The following PRDM6 variants were observed in gnomAD, a reference collection of about 807,000 sequenced individuals.
PRDM6 encodes the protein PR/SET domain 6.
A neutral mutation model predicts 60.8 loss-of-function variants in PRDM6; 25 were observed. That is an observed-to-expected ratio of 0.41 (90% CI 0.30 to 0.57). The LOEUF is 0.57. Among genes scored for constraint, PRDM6 ranks in the 20% least tolerant of loss-of-function variants. The probability of loss-of-function intolerance (pLI) is 0.27; values close to 1 mark genes in which losing one functional copy is unlikely to be tolerated. For synonymous variants in PRDM6, 407 were observed against 357.4 expected (o/e 1.14, Z -1.57); for missense variants, 839 against 821.3 (o/e 1.02, Z -0.26).
intron 3 of PRDM6, among the ~76,000 whole-genome samples, chr5:123,147,277 AAAAGAG>A (rs1202714792): frequency 9.1e-5 from 8 of 87,942 alleles, no homozygotes; most frequent in South Asian, 3.1e-4. Flanking sequence ...ACTGATACTA[AAAAGAG>A]AGAGAGAGAG....
At chr5:123,158,266 A>G (rs1404097759) in intron 4 of PRDM6, among the ~76,000 whole-genome samples, 1 of 152,192 alleles carries the variant, frequency 6.6e-6, no homozygotes, top group Non-Finnish European at 1.5e-5. Flanking sequence ...ATTTTTCTCA[A>G]GTTAGAAGAT....
chr5:123,110,179 TAAAC>T (rs1201290710), intron 3 of PRDM6, among the ~76,000 whole-genome samples: 3 of 151,450 alleles, frequency 2.0e-5, no homozygotes, highest in Non-Finnish European at 2.9e-5. Flanking sequence ...GATGAAAAAA[TAAAC>T]ATAATTGCCA....
At chr5:123,128,760 CTTTAG>C (rs1179508630) in intron 3 of PRDM6, among the ~76,000 whole-genome samples, 2 of 152,110 alleles carry the variant, frequency 1.3e-5, no homozygotes, top group Non-Finnish European at 2.9e-5. Flanking sequence ...TGCAGAAGCT[CTTTAG>C]TTTAATTAGA....
At chr5:123,108,153 C>A (rs1348827882) in intron 3 of PRDM6, among the ~76,000 whole-genome samples, 2 of 151,966 alleles carry the variant, frequency 1.3e-5, no homozygotes, top group African/African-American at 4.8e-5. Context: ...GGATTTGGCC[C>A]ATTTTATTAA....
At chr5:123,124,025 G>A (rs1250164183) in intron 3 of PRDM6, among the ~76,000 whole-genome samples, 1 of 152,192 alleles carries the variant, frequency 6.6e-6, no homozygotes, top group Non-Finnish European at 1.5e-5. Context: ...GCAAGGGCAG[G>A]GAAGACAGGG....
chr5:123,095,342 C>G (rs1407204700), intron 2 of PRDM6, among the ~76,000 whole-genome samples: 1 of 152,256 alleles, frequency 6.6e-6, no homozygotes, highest in Non-Finnish European at 1.5e-5. Context: ...GCGCCCCACC[C>G]CGCCCATCGC....
At chr5:123,100,658 A>T (rs762784178) in intron 3 of PRDM6, among the ~76,000 whole-genome samples, 33 of 152,334 alleles carry the variant, frequency 2.2e-4, no homozygotes, top group South Asian at 1.2e-3. Flanking sequence ...AAATCAAAAC[A>T]TGGGAACAGT....
intron 2 of PRDM6, among the ~76,000 whole-genome samples, chr5:123,097,624 GT>G (rs1281073328): frequency 2.6e-5 from 4 of 151,820 alleles, no homozygotes; most frequent in African/African-American, 9.7e-5. Flanking sequence ...ATGTCTTGAA[GT>G]TTTTATTTTC....
At chr5:123,098,239 C>T (rs1214544553) in intron 2 of PRDM6, among the ~76,000 whole-genome samples, 1 of 152,266 alleles carries the variant, frequency 6.6e-6, no homozygotes, top group Admixed American at 6.5e-5. Context: ...CCCGCCGCCC[C>T]GCTCTGGCGC....
In PRDM6 at chr5:123,192,739, C is replaced by T. The variant is rs968744476; in HGVS notation, c.*5538C>T. ...CGAACACTATCGACAGGTAAAAACA[C>T]ATCCTCAACGGGGCTAAGTGAAATC... On this transcript the variant is annotated 3_prime_UTR_variant, in exon 8 of 8. Coordinates refer to ENST00000407847, the MANE Select transcript of PRDM6 (RefSeq NM_001136239.4). 2 of 152,232 alleles carry T rather than the reference C, an allele frequency of 1.3e-5. No individual in the cohort carries two copies. The highest frequency in any genetic ancestry group is 2.9e-5 in the Non-Finnish European group (2 of 68,052). The allele number at this position is 152,232 out of a possible 1,614,324, so 9.4% of individuals were successfully genotyped here.
At chr5:123,157,802 C>T (rs1334970661) in intron 4 of PRDM6, among the ~76,000 whole-genome samples, 3 of 152,184 alleles carry the variant, frequency 2.0e-5, no homozygotes, top group African/African-American at 7.2e-5. Flanking sequence ...CTTCAAAGCA[C>T]ACTTGATTGA....
At chr5:123,115,180 C>T (rs967907860) in intron 3 of PRDM6, among the ~76,000 whole-genome samples, 3 of 152,018 alleles carry the variant, frequency 2.0e-5, no homozygotes, top group African/African-American at 7.2e-5. Flanking sequence ...CATCTCATTC[C>T]CCTCCCCTGA....
At chr5:123,116,248 C>G (rs544087616) in intron 3 of PRDM6, among the ~76,000 whole-genome samples, 3 of 152,314 alleles carry the variant, frequency 2.0e-5, no homozygotes, top group Admixed American at 2.0e-4. Context: ...CGCCTCCACA[C>G]AGTGATGAAA....
intron 3 of PRDM6, among the ~76,000 whole-genome samples, chr5:123,143,778 A>G (rs914041774): frequency 6.6e-6 from 1 of 152,204 alleles, no homozygotes; most frequent in Admixed American, 6.5e-5. Context: ...AAAAAATGCC[A>G]AAATAGGGTT....
intron 3 of PRDM6, among the ~76,000 whole-genome samples, chr5:123,150,962 T>TA (rs1765357388): frequency 1.3e-5 from 2 of 152,244 alleles, no homozygotes; most frequent in South Asian, 4.1e-4. Flanking sequence ...TGTTAATACT[T>TA]AGAATCAAGG....
At chr5:123,153,248 C>A (rs181854664) in intron 3 of PRDM6, among the ~76,000 whole-genome samples, 28 of 144,000 alleles carry the variant, frequency 1.9e-4, no homozygotes, top group Middle Eastern at 7.3e-3. Context: ...TTATTTTTTT[C>A]TCTGATGTTT....
At chr5:123,140,435 G>C (rs1242429432) in intron 3 of PRDM6, among the ~76,000 whole-genome samples, 1 of 152,040 alleles carries the variant, frequency 6.6e-6, no homozygotes, top group East Asian at 1.9e-4. Context: ...TTTACATGAT[G>C]TAACAGCTCT....
chr5:123,162,885 C>G (rs908717478), intron 5 of PRDM6, among the ~76,000 whole-genome samples: 4 of 152,164 alleles, frequency 2.6e-5, no homozygotes, highest in African/African-American at 9.7e-5. Flanking sequence ...ATGAGGATTC[C>G]TTCTTCTGTG....
chr5:123,181,824 CAG>C (rs939781249), intron 7 of PRDM6, among the ~76,000 whole-genome samples: 2 of 152,124 alleles, frequency 1.3e-5, no homozygotes, highest in Non-Finnish European at 2.9e-5. Flanking sequence ...GCTTGGGAAA[CAG>C]AGTTCTCTGG....
Sources: allele counts gnomAD v4.1 joint callset (sites outside exome capture counted in the v4.1 genomes callset), GRCh38; gene constraint gnomAD v4.1.1; transcripts MANE v1.5; gene names NCBI Gene and HGNC (gene_info 2026-07-23, HGNC 2026-07-21).